Variants in DHRS3 observed in about 807,000 individuals in gnomAD.
DHRS3 encodes short-chain dehydrogenase/reductase 3.
Under a neutral mutation model 27.2 loss-of-function variants are expected in DHRS3, and 14 were observed. The ratio of observed to expected loss-of-function variants is 0.52; its 90% CI spans 0.34 to 0.81. The LOEUF (loss-of-function observed/expected upper bound fraction) is 0.81, where lower values mean the gene tolerates loss of function less well. Among genes scored for constraint, DHRS3 ranks in the 30% least tolerant of loss-of-function variants. The pLI is 0.01. For missense variants in DHRS3, 322 were observed against 406.2 expected, an observed-to-expected ratio of 0.79 and a Z score of 1.78; for synonymous variants, 165 against 175.9, an observed-to-expected ratio of 0.94 and a Z score of 0.49.
chr1:12,579,706 C>A, intron 2 of DHRS3: 1 of 291,402 alleles, frequency 3.4e-6, no homozygotes, highest in Non-Finnish European at 6.5e-6. Flanking sequence ...GTTCTGACCT[C>A]AAGTGACCCG....
rs146031883 is a variant in DHRS3 at position 12,607,449 on chromosome 1, G to C, written c.195+9705C>G. Among the ~76,000 whole-genome samples the C allele has an allele frequency of 3.2e-4, 49 of 152,312 alleles. No individual in the cohort carries two copies. The East Asian group carries it at 8.7e-3, about 27-fold the overall frequency. ...TAGTGAGGGAGCTCTCACGTGATCT[G>C]ATGGTTTTATAAGTGTTCGGTAGTT... On this transcript the variant is annotated intron_variant, in intron 1 of 5. Transcript: ENST00000616661.
At chr1:12,616,348 T>C (rs1019935304) in intron 1 of DHRS3, among the ~76,000 whole-genome samples, 1 of 152,098 alleles carries the variant, frequency 6.6e-6, no homozygotes, top group African/African-American at 2.4e-5. Flanking sequence ...GGTGACAGCC[T>C]GCCCACTCTC....
At chr1:12,612,385 C>T (rs1646916435) in intron 1 of DHRS3, among the ~76,000 whole-genome samples, 1 of 152,200 alleles carries the variant, frequency 6.6e-6, no homozygotes, top group Non-Finnish European at 1.5e-5. Flanking sequence ...GCTTACCTCC[C>T]TATCCCACAA....
chr1:12,604,747 G>C (rs1294128270), intron 1 of DHRS3, among the ~76,000 whole-genome samples: 1 of 152,244 alleles, frequency 6.6e-6, no homozygotes, highest in African/African-American at 2.4e-5. Flanking sequence ...ACTTCACCTG[G>C]ATCTCAGAAA....
rs746236285 is a variant in DHRS3, at chr1:12,572,724, A to G, written c.824+4T>C. On this transcript the variant is annotated splice_donor_region_variant and intron_variant, in intron 5 of 5. Coordinates refer to ENST00000616661, the MANE Select transcript of DHRS3 (RefSeq NM_004753.7). The stretch of plus-strand genomic sequence containing the variant: ...ACCCAGAGTGTTCTTTCCCAGCCCC[A>G]TACCTTTTCAAGATAACGAGGGCAT... 1 of 1,591,280 alleles carries G rather than the reference A, an allele frequency of 6.3e-7. No individual in the cohort carries two copies. Among genetic ancestry groups the G allele is most frequent in the South Asian group, 1.1e-5 (1 of 87,544 alleles).
intron 1 of DHRS3, among the ~76,000 whole-genome samples, chr1:12,583,704 A>G (rs1327577560): frequency 6.9e-6 from 1 of 145,212 alleles, no homozygotes; most frequent in Admixed American, 6.8e-5. Flanking sequence ...CCATTCATCC[A>G]CTCACCTACC....
chr1:12,602,660 G>A (rs1030544634), intron 1 of DHRS3, among the ~76,000 whole-genome samples: 17 of 152,196 alleles, frequency 1.1e-4, no homozygotes, highest in African/African-American at 3.1e-4. Flanking sequence ...TCTTGGAAAC[G>A]CTCTTGCCAT....
intron 1 of DHRS3, chr1:12,616,676 G>C (rs914437581): frequency 6.0e-6 from 6 of 997,968 alleles, no homozygotes; most frequent in African/African-American, 3.5e-5. Flanking sequence ...ACCCTCTCTC[G>C]TGTCTTCAGA....
chr1:12,612,398 C>T (rs1646916479), intron 1 of DHRS3, among the ~76,000 whole-genome samples: 2 of 152,194 alleles, frequency 1.3e-5, no homozygotes, highest in Admixed American at 1.3e-4. Flanking sequence ...TCCCACAATA[C>T]AATGTTTTCT....
intron 1 of DHRS3, among the ~76,000 whole-genome samples, chr1:12,582,094 C>T (rs114224078): frequency 2.0e-4 from 30 of 152,292 alleles, no homozygotes; most frequent in Non-Finnish European, 3.2e-4. Context: ...TTACAGATGG[C>T]GGCTCCAATG....
At position 12,618,130 on chromosome 1, in the gene DHRS3, C is replaced by T. The variant is rs1646958499; in HGVS notation, c.-782G>A. Among the ~76,000 whole-genome samples the T allele has an allele frequency of 6.6e-6, 1 of 152,092 alleles. No homozygotes were observed. The highest frequency in any genetic ancestry group is 1.5e-5 in the Non-Finnish European group (1 of 68,028). ...GTTGCCGCTCGATCCAGCTCCCCTT[C>T]TCTCCCTTTTTAGCATTTATTGCCT... On this transcript the variant is annotated 5_prime_UTR_variant, in exon 1 of 6. Transcript: ENST00000616661. The surrounding 1 kb of genome is among the most constrained non-coding windows in gnomAD (Gnocchi z 4.2).
intron 1 of DHRS3, among the ~76,000 whole-genome samples, chr1:12,581,408 A>C (rs921941869): frequency 1.3e-5 from 2 of 152,130 alleles, no homozygotes; most frequent in Admixed American, 6.6e-5. Flanking sequence ...CATAGATGGG[A>C]CCATTCCAGC....
chr1:12,602,734 ACCAAAG>A (rs1176392332), intron 1 of DHRS3, among the ~76,000 whole-genome samples: 2 of 152,222 alleles, frequency 1.3e-5, no homozygotes, highest in Non-Finnish European at 2.9e-5. Context: ...AGATGAGGGA[ACCAAAG>A]CCCAGAGAGG....
Position 12,600,865 on chromosome 1 carries a change from C to G in DHRS3, c.195+16289G>C, listed in dbSNP as rs187321868. 1.4e-3 allele frequency among the ~76,000 whole-genome samples: 215 copies of G among 152,096 alleles called. 1 individual carries two copies. Among genetic ancestry groups the G allele is most frequent in the African/African-American group, 4.9e-3 (205 of 41,480 alleles). ...TTTCCAAAGTCAGTCTGTTGACAAC[C>G]TGCTGGACTTTGGTGGCTGAGCATT... is the stretch of plus-strand genomic sequence containing the variant. On this transcript the variant is annotated intron_variant, in intron 1 of 5. Coordinates refer to ENST00000616661, the MANE Select transcript of DHRS3 (RefSeq NM_004753.7).
chr1:12,607,940 C>T (rs752007064), intron 1 of DHRS3, among the ~76,000 whole-genome samples: 9 of 151,920 alleles, frequency 5.9e-5, no homozygotes, highest in Non-Finnish European at 1.2e-4. Flanking sequence ...TGCAGTGGTG[C>T]GATCTCCACT....
intron 1 of DHRS3, among the ~76,000 whole-genome samples, chr1:12,609,632 G>A (rs1043610604): frequency 3.3e-5 from 5 of 152,196 alleles, no homozygotes; most frequent in Non-Finnish European, 7.4e-5. Context: ...AGGAGGCATG[G>A]AAACCTGGCG....
intron 1 of DHRS3, among the ~76,000 whole-genome samples, chr1:12,603,530 T>TGG (rs1266925160): frequency 6.6e-6 from 1 of 152,068 alleles, no homozygotes; most frequent in Admixed American, 6.5e-5. Flanking sequence ...CCTACCTTCT[T>TGG]GGGGCCTCTA....
chr1:12,596,563 C>A (rs1359818561), intron 1 of DHRS3, among the ~76,000 whole-genome samples: 1 of 152,024 alleles, frequency 6.6e-6, no homozygotes, highest in South Asian at 2.1e-4. Flanking sequence ...CCAGAGCAGC[C>A]CTGGACCGCA....
chr1:12,572,691 T>C, intron 5 of DHRS3, 37 bp downstream of exon 5: 1 of 1,559,272 alleles, frequency 6.4e-7, no homozygotes, highest in Non-Finnish European at 8.7e-7. Context: ...CATGCGTACT[T>C]TCCCCTGACC....
Sources: gnomAD v4.1 joint callset for allele counts (sites outside exome capture counted in the v4.1 genomes callset) on GRCh38, gnomAD v4.1.1 for gene constraint, Gnocchi (gnomAD v3.1) non-coding constraint, MANE v1.5 for transcripts, NCBI Gene and HGNC (gene_info 2026-07-23, HGNC 2026-07-21) for gene names.